The following WWOX variants were observed in gnomAD, a reference collection of about 807,000 sequenced individuals.
WWOX encodes WW domain-containing oxidoreductase.
A neutral mutation model predicts 46.2 loss-of-function variants in WWOX; 69 were observed. The observed-to-expected ratio is 1.49, with a 90% CI of 1.23 to 1.82. The LOEUF (loss-of-function observed/expected upper bound fraction) is 1.82. WWOX is among the 40% of genes most tolerant of loss of function. The pLI is 0.00. For missense variants in WWOX, 919 were observed against 542.6 expected, an observed-to-expected ratio of 1.69 and a Z score of -6.89; for synonymous variants, 359 against 202.6, an observed-to-expected ratio of 1.77 and a Z score of -6.56.
intron 5 of WWOX, among the ~76,000 whole-genome samples, chr16:78,212,307 C>A (rs1033178778): frequency 6.6e-6 from 1 of 152,154 alleles, no homozygotes; most frequent in Non-Finnish European, 1.5e-5. Flanking sequence ...ATAGATGTAA[C>A]CTCAGAGGAA....
intron 8 of WWOX, among the ~76,000 whole-genome samples, chr16:78,610,108 T>C (rs985461320): frequency 2.0e-5 from 3 of 152,190 alleles, no homozygotes; most frequent in African/African-American, 7.2e-5. Context: ...TGTGGCAAGG[T>C]CCCTGCTTCA....
chr16:79,163,630 C>G (rs753560151), intron 8 of WWOX, among the ~76,000 whole-genome samples: 3 of 152,018 alleles, frequency 2.0e-5, no homozygotes, highest in African/African-American at 4.8e-5. Context: ...GAAACGCCAT[C>G]TCTACTAAAC....
intron 8 of WWOX, among the ~76,000 whole-genome samples, chr16:78,609,450 A>C (rs1020338128): frequency 3.3e-5 from 5 of 152,084 alleles, no homozygotes; most frequent in Non-Finnish European, 5.9e-5. Context: ...TTTCTAAGTA[A>C]AAGTCCAGGC....
intron 8 of WWOX, among the ~76,000 whole-genome samples, chr16:79,076,581 C>G (rs1228361559): frequency 1.3e-5 from 2 of 152,194 alleles, no homozygotes; most frequent in East Asian, 1.9e-4. Context: ...GGACCTCAGC[C>G]TATCCAGGCC....
chr16:79,189,591 G>T (rs1471960431), intron 8 of WWOX, among the ~76,000 whole-genome samples: 3 of 152,062 alleles, frequency 2.0e-5, no homozygotes, highest in Non-Finnish European at 4.4e-5. Flanking sequence ...ATGAGCCACT[G>T]TGCCCAGCCT....
At chr16:78,203,124 A>G (rs1159217375) in intron 5 of WWOX, among the ~76,000 whole-genome samples, 1 of 152,184 alleles carries the variant, frequency 6.6e-6, no homozygotes, top group African/African-American at 2.4e-5. Context: ...AGTAAAGGCC[A>G]TAAGGCTGGA....
At chr16:79,138,953 C>G (rs9938556) in intron 8 of WWOX, among the ~76,000 whole-genome samples, 29,410 of 152,070 alleles carry the variant, frequency 0.19, 3,249 homozygotes, top group East Asian at 0.41. Context: ...AATCCATTCA[C>G]TGCAGAGTCT....
chr16:78,639,409 C>T (rs554149951), intron 8 of WWOX, among the ~76,000 whole-genome samples: 1 of 152,134 alleles, frequency 6.6e-6, no homozygotes. Context: ...TCTCACTTTG[C>T]AGATGAGGAA....
rs532391191 is a variant in WWOX at position 78,843,417 on chromosome 16, A to T, written c.1057-368191A>T. On this transcript the variant is annotated intron_variant, in intron 8 of 8. Transcript: ENST00000566780. ...TTAACAAAGCCAATCGCCCATTCCTATGCTGCTAAGATGCGAATGCCCAGC... is the reference window on the plus strand; with the variant it reads ...TTAACAAAGCCAATCGCCCATTCCTTTGCTGCTAAGATGCGAATGCCCAGC... Among the ~76,000 whole-genome samples, 17 of 150,030 alleles carry T rather than the reference A, an allele frequency of 1.1e-4. 1 individual carries two copies. The East Asian group carries it at 3.1e-3, about 28-fold the overall frequency.
intron 8 of WWOX, among the ~76,000 whole-genome samples, chr16:78,908,463 C>G (rs550535072): frequency 1.7e-4 from 25 of 151,328 alleles, no homozygotes; most frequent in Non-Finnish European, 2.9e-4. Context: ...CTGCTTGAAC[C>G]TGGGAGGCAG....
At chr16:78,389,929 C>T (rs1289520801) in intron 6 of WWOX, among the ~76,000 whole-genome samples, 1 of 152,012 alleles carries the variant, frequency 6.6e-6, no homozygotes, top group African/African-American at 2.4e-5. Flanking sequence ...TTTGTATTTT[C>T]TGTAGAGATG....
intron 8 of WWOX, among the ~76,000 whole-genome samples, chr16:78,676,385 C>G (rs574790704): frequency 6.6e-6 from 1 of 150,518 alleles, no homozygotes; most frequent in South Asian, 2.1e-4. Flanking sequence ...GAGCTATTAA[C>G]AGCCCTCCAT....
chr16:78,679,260 G>C (rs552609091), intron 8 of WWOX, among the ~76,000 whole-genome samples: 1 of 152,292 alleles, frequency 6.6e-6, no homozygotes, highest in South Asian at 2.1e-4. Context: ...GTAGAAAGAT[G>C]GGTGAGGTGG....
intron 8 of WWOX, among the ~76,000 whole-genome samples, chr16:78,835,691 C>A (rs2051960947): frequency 6.6e-6 from 1 of 152,148 alleles, no homozygotes; most frequent in South Asian, 2.1e-4. Context: ...TGAAACTCAC[C>A]CTGTGCTAAT....
At chr16:78,276,308 CAG>C (rs2079577286) in intron 5 of WWOX, among the ~76,000 whole-genome samples, 1 of 152,160 alleles carries the variant, frequency 6.6e-6, no homozygotes, top group African/African-American at 2.4e-5. Flanking sequence ...GGGTGAGAAT[CAG>C]AGTTTATGCA....
intron 8 of WWOX, among the ~76,000 whole-genome samples, chr16:78,679,060 C>G (rs970905984): frequency 3.9e-5 from 6 of 152,200 alleles, no homozygotes; most frequent in South Asian, 2.1e-4. Context: ...TTTCTAGAAT[C>G]TCAAGGATGC....
chr16:78,274,758 C>T (rs879770911), intron 5 of WWOX, among the ~76,000 whole-genome samples: 4 of 152,164 alleles, frequency 2.6e-5, no homozygotes, highest in African/African-American at 9.7e-5. Flanking sequence ...ACCTTAGACA[C>T]CTTGCTCTAG....
intron 8 of WWOX, among the ~76,000 whole-genome samples, chr16:78,585,372 A>T (rs1049419850): frequency 2.0e-5 from 3 of 152,128 alleles, no homozygotes; most frequent in African/African-American, 7.2e-5. Context: ...ATTCGTTAGC[A>T]TTCTTTATCT....
chr16:78,976,835 G>T (rs559061613), intron 8 of WWOX, among the ~76,000 whole-genome samples: 16 of 152,162 alleles, frequency 1.1e-4, no homozygotes, highest in African/African-American at 3.9e-4. Context: ...GCCTGGTTCA[G>T]TTGCAAACAT....
Sources: allele counts gnomAD v4.1 joint callset (sites outside exome capture counted in the v4.1 genomes callset), GRCh38; gene constraint gnomAD v4.1.1; transcripts MANE v1.5; gene names NCBI Gene and HGNC (gene_info 2026-07-23, HGNC 2026-07-21).